Variants in FRMPD4 observed in about 807,000 individuals in gnomAD.
FRMPD4 encodes FERM and PDZ domain-containing protein 4.
In FRMPD4, 22 loss-of-function variants were observed where a neutral mutation model predicts 94.1. That is an observed-to-expected ratio of 0.23 (90% confidence interval 0.17 to 0.33). FRMPD4 has a LOEUF of 0.33. Among genes scored for constraint, FRMPD4 ranks in the 10% least tolerant of loss-of-function variants. FRMPD4 has a pLI of 1.00. For synonymous variants in FRMPD4, 631 were observed against 548.6 expected (o/e 1.15, Z -2.10); for missense variants, 1,111 against 1,339.9 (o/e 0.83, Z 2.67).
intron 3 of FRMPD4, among the ~76,000 whole-genome samples, chrX:12,126,439 G>A (rs900101266): frequency 9.0e-6 from 1 of 111,670 alleles, no homozygotes; most frequent in Non-Finnish European, 1.9e-5. Flanking sequence ...ACTTATGAGA[G>A]GTAGATTTTA....
intron 1 of FRMPD4, among the ~76,000 whole-genome samples, chrX:12,253,411 T>C (rs1386851692): frequency 8.9e-6 from 1 of 112,463 alleles, no homozygotes; most frequent in Non-Finnish European, 1.9e-5. Flanking sequence ...TTAAACATAA[T>C]CTATGTCCTT....
chrX:12,316,094 G>T (rs141048810), intron 1 of FRMPD4, among the ~76,000 whole-genome samples: 2 of 111,959 alleles, frequency 1.8e-5, no homozygotes, highest in African/African-American at 6.5e-5. Context: ...TACCTCTCAG[G>T]TGTTATTTAC....
At chrX:11,990,908 T>A (rs1335942638) in intron 3 of FRMPD4, among the ~76,000 whole-genome samples, 1 of 111,727 alleles carries the variant, frequency 9.0e-6, no homozygotes, top group African/African-American at 3.2e-5. Flanking sequence ...TCCAAGTTCC[T>A]TCAGTTTGTT....
At chrX:12,547,004 G>A (rs2058484516) in intron 2 of FRMPD4, among the ~76,000 whole-genome samples, 1 of 51,109 alleles carries the variant, frequency 2.0e-5, no homozygotes, top group African/African-American at 9.0e-5. Context: ...GAGCAAGACT[G>A]TCTCTTTAAA....
rs781454803 is a variant in FRMPD4, at chrX:12,694,599, CTTTT to C, written c.933+147_933+150del. On this transcript the variant is annotated intron_variant, in intron 9 of 16. Coordinates refer to ENST00000675598, the MANE Select transcript of FRMPD4 (RefSeq NM_001368397.1). ...AATCGTACGATAATTCTATGATGCT[CTTTT>C]TATTTTTACGTTTGATTTTGAAATA... 1.5e-4 allele frequency: 70 copies of C among 452,976 alleles called. 2 individuals are homozygous for C. In the South Asian group the frequency reaches 2.7e-3, roughly 17 times the overall value. 37.3% of individuals were successfully genotyped at this position (452,976 alleles called of 1,213,427 possible).
chrX:11,964,836 T>G (rs969799340), intron 3 of FRMPD4, among the ~76,000 whole-genome samples: 2 of 113,024 alleles, frequency 1.8e-5, no homozygotes, highest in African/African-American at 6.4e-5. Flanking sequence ...AGACTGAAAC[T>G]GAGATGTCAG....
intron 1 of FRMPD4, among the ~76,000 whole-genome samples, chrX:11,847,998 A>G (rs190453113): frequency 0.012 from 1,291 of 106,725 alleles, 24 homozygotes; most frequent in African/African-American, 0.041. Flanking sequence ...TAACCTGCAC[A>G]TTGTGCACAT....
chrX:12,573,768 T>C (rs931831077), intron 2 of FRMPD4, among the ~76,000 whole-genome samples: 2 of 112,292 alleles, frequency 1.8e-5, no homozygotes, highest in South Asian at 3.7e-4. Flanking sequence ...AATACAAAGA[T>C]GTTAGTTGTC....
intron 1 of FRMPD4, among the ~76,000 whole-genome samples, chrX:12,421,537 C>T (rs142956408): frequency 0.012 from 1,316 of 110,539 alleles, 7 homozygotes; most frequent in Non-Finnish European, 0.017. Context: ...GCAGGAGGAT[C>T]GCTTGAGTCC....
intron 1 of FRMPD4, among the ~76,000 whole-genome samples, chrX:12,220,991 A>G (rs2056859884): frequency 8.9e-6 from 1 of 111,933 alleles, no homozygotes; most frequent in South Asian, 3.7e-4. Flanking sequence ...TTTCATGGGA[A>G]TAAGCATTAA....
At chrX:12,220,073 G>A (rs200295705) in intron 1 of FRMPD4, among the ~76,000 whole-genome samples, 2 of 111,782 alleles carry the variant, frequency 1.8e-5, no homozygotes, top group African/African-American at 6.5e-5. Context: ...CCCAGGAGGC[G>A]GAGGTTGTGG....
At chrX:12,559,319 T>C (rs2058627418) in intron 2 of FRMPD4, among the ~76,000 whole-genome samples, 2 of 111,807 alleles carry the variant, frequency 1.8e-5, no homozygotes, top group African/African-American at 6.5e-5. Context: ...TTTTTCTAGT[T>C]AGGGCATGAT....
chrX:12,025,567 G>A (rs1281152316), intron 3 of FRMPD4, among the ~76,000 whole-genome samples: 1 of 111,479 alleles, frequency 9.0e-6, no homozygotes, highest in Non-Finnish European at 1.9e-5. Flanking sequence ...TGAATCTATG[G>A]CAAAAATGAT....
intron 3 of FRMPD4, among the ~76,000 whole-genome samples, chrX:12,126,549 G>C (rs1386111064): frequency 9.0e-6 from 1 of 111,325 alleles, no homozygotes; most frequent in Non-Finnish European, 1.9e-5. Context: ...AGGCAGACTG[G>C]ACTGATGCCT....
chrX:12,439,207 C>G (rs2057105742), intron 1 of FRMPD4, among the ~76,000 whole-genome samples: 1 of 111,081 alleles, frequency 9.0e-6, no homozygotes. Flanking sequence ...GCAGCCGTTG[C>G]CTCACTCTCT....
At chrX:12,105,345 GATTT>G (rs967827599) in intron 3 of FRMPD4, among the ~76,000 whole-genome samples, 21 of 112,344 alleles carry the variant, frequency 1.9e-4, no homozygotes, top group Non-Finnish European at 1.9e-4. Context: ...TCATGGTTTT[GATTT>G]ATTAATCTTT....
chrX:12,145,251 C>T (rs1255117696), intron 1 of FRMPD4, among the ~76,000 whole-genome samples: 1 of 112,153 alleles, frequency 8.9e-6, no homozygotes, highest in Admixed American at 9.4e-5. Context: ...TGGTCAGAGA[C>T]TGGTGTGGGG....
At chrX:12,366,321 G>C (rs1360760122) in intron 1 of FRMPD4, among the ~76,000 whole-genome samples, 1 of 112,235 alleles carries the variant, frequency 8.9e-6, no homozygotes, top group Non-Finnish European at 1.9e-5. Flanking sequence ...GAGGCTGAAT[G>C]ATGATGAACC....
At chrX:11,982,445 G>T (rs2054402394) in intron 3 of FRMPD4, among the ~76,000 whole-genome samples, 1 of 110,632 alleles carries the variant, frequency 9.0e-6, no homozygotes. Flanking sequence ...TTGTATGATT[G>T]AGATGTCTTT....
Sources: allele counts gnomAD v4.1 joint callset (sites outside exome capture counted in the v4.1 genomes callset), GRCh38; gene constraint gnomAD v4.1.1; transcripts MANE v1.5; gene names NCBI Gene and HGNC (gene_info 2026-07-23, HGNC 2026-07-21).